Variants in SELE observed in about 807,000 individuals in gnomAD.
SELE encodes the protein selectin E, also known as E-selectin.
Under a neutral mutation model 75.8 loss-of-function variants are expected in SELE, and 52 were observed. The observed-to-expected ratio is 0.69, with a 90% CI of 0.55 to 0.86. SELE has a LOEUF of 0.86. SELE is among the 40% of genes least tolerant of loss of function. The pLI is 0.00. For missense variants in SELE, 754 were observed against 732.7 expected (o/e 1.03, Z -0.34); for synonymous variants, 285 against 258.7 (o/e 1.10, Z -0.98).
chr1:169,728,028 C>G, intron 8 of SELE, 30 bp downstream of exon 8: 1 of 1,584,062 alleles, frequency 6.3e-7, no homozygotes, highest in African/African-American at 1.4e-5. Flanking sequence ...TTCTTTTTAT[C>G]TTAAAATAAA....
At position 169,730,550 on chromosome 1, in the gene SELE, G is replaced by A. The variant is rs1269075678; in HGVS notation, c.597C>T (p.Asn199=). 1 of 1,614,054 alleles carries A rather than the reference G, an allele frequency of 6.2e-7. No homozygotes were observed. Among genetic ancestry groups the A allele is most frequent in the Admixed American group, 1.7e-5 (1 of 60,026 alleles). The change falls in exon 5 of 14, where the codon AAC becomes AAT. Residue 199 remains asparagine (N), a synonymous_variant. Coordinates refer to ENST00000333360, the MANE Select transcript of SELE (RefSeq NM_000450.2). The stretch of plus-strand genomic sequence containing the variant: ...TAGAGCAGGAAGAATTGTAGCTGAA[G>A]TTTCCCAGTGGGTGACTGCAAACCA... ...GSLVCSHPLG[N]FSYNSSCSIS...
chr1:169,731,984 G>T, intron 3 of SELE, 42 bp from the exon 4 acceptor site: 1 of 1,285,560 alleles, frequency 7.8e-7, no homozygotes, highest in Non-Finnish European at 1.1e-6. Context: ...CTATTACTGT[G>T]CTTATACTGA....
At chr1:169,729,696 T>A in intron 5 of SELE, 23 bp from the exon 6 acceptor site, 2 of 1,609,638 alleles carry the variant, frequency 1.2e-6, no homozygotes, top group Non-Finnish European at 1.7e-6. Context: ...AAGAGCACCA[T>A]GAATTTTACA....
chr1:169,728,510 A>G (rs1648833291), intron 7 of SELE, among the ~76,000 whole-genome samples: 1 of 152,248 alleles, frequency 6.6e-6, no homozygotes, highest in African/African-American at 2.4e-5. Flanking sequence ...TGGTCCAAGG[A>G]AAGATTTCAC....
In SELE at chr1:169,731,819, C is replaced by G. The variant is rs1426202378; in HGVS notation, c.529+16G>C. 6.4e-7 allele frequency: 1 copy of G among 1,573,754 alleles called. No individual in the cohort carries two copies. The highest frequency in any genetic ancestry group is 1.4e-5 in the African/African-American group (1 of 74,062). On this transcript the variant is annotated intron_variant, in intron 4 of 13. Transcript: ENST00000333360. ...CTACCATCTCAAGTGAAGAAAGAGG[C>G]AAGAACCAGACTTACTTTGCTCACA... is the stretch of plus-strand genomic sequence containing the variant.
chr1:169,728,636 T>C (rs1470846352), intron 7 of SELE, among the ~76,000 whole-genome samples: 24 of 152,234 alleles, frequency 1.6e-4, no homozygotes. Context: ...GTGTTATGTT[T>C]TGCTACTGGA....
At position 169,729,238 on chromosome 1, in the gene SELE, C is replaced by T. The variant is rs778185111; in HGVS notation, c.1038G>A (p.Gln346=). Residue 346 remains glutamine (Q), a synonymous_variant, in exon 7 of 14, where the codon CAG becomes CAA. Coordinates refer to ENST00000333360, the MANE Select transcript of SELE (RefSeq NM_000450.2). Reference sequence around the variant, plus strand: ...ACTGCCCTTGAGTGGTGCATTCAACCTGGGCTGGTCCCTGCAACATGAAGC... The same window carrying T: ...ACTGCCCTTGAGTGGTGCATTCAACTTGGGCTGGTCCCTGCAACATGAAGC... The part of the protein sequence containing the change: ...EEGFMLQGPA[Q]VECTTQGQWT... 5.0e-6 allele frequency: 8 copies of T among 1,613,856 alleles called. No individual in the cohort carries two copies. The highest frequency in any genetic ancestry group is 5.9e-6 in the Non-Finnish European group (7 of 1,179,946).
In SELE at chr1:169,726,740, A is replaced by T; in HGVS notation, c.1712T>A (p.Leu571Ter). 6.2e-7 allele frequency: 1 copy of T among 1,613,864 alleles called. No individual in the cohort carries two copies. The highest frequency in any genetic ancestry group is 8.5e-7 in the Non-Finnish European group (1 of 1,179,868). ...LSAAGLSLLT[L>*]APFLLWLRKC... ...CCGAAGCCAGAGGAGAAATGGTGCT[A>T]ATGTCAGGAGGGAGAGTCCAGCAGC... Residue 571 changes from leucine to a stop codon, truncating the protein, a stop_gained, in exon 11 of 14, where the codon TTA (leucine) becomes TAA (stop). Transcript: ENST00000333360. LOFTEE classifies it high-confidence loss of function.
In SELE at chr1:169,725,978, A is replaced by G. The variant is rs556746572; in HGVS notation, c.1754-50T>C. On this transcript the variant is annotated intron_variant, in intron 11 of 13. Coordinates refer to ENST00000333360, the MANE Select transcript of SELE (RefSeq NM_000450.2). Reference sequence around the variant, plus strand: ...ATTAATTCAGACTAAATGACTTTTAAGGATATATTAAATCCAGATACAATA... The same window carrying G: ...ATTAATTCAGACTAAATGACTTTTAGGGATATATTAAATCCAGATACAATA... 64 of 1,601,844 alleles carry G rather than the reference A, an allele frequency of 4.0e-5. No individual in the cohort carries two copies. The East Asian group carries it at 1.4e-3, about 35-fold the overall frequency.
rs1648796216 is a variant in SELE, at chr1:169,727,273, A to G, written c.1645+76T>C. ...ACTTTCTGGTTTGGATATAATGAAT[A>G]GTTGATTACTGTAACAAGATAGCTC... On this transcript the variant is annotated intron_variant, in intron 10 of 13. Coordinates refer to ENST00000333360, the MANE Select transcript of SELE (RefSeq NM_000450.2). The G allele has an allele frequency of 4.8e-6, 7 of 1,472,406 alleles. No homozygotes were observed. The South Asian group carries it at 6.6e-5, about 14-fold the overall frequency. The allele number at this position is 1,472,406 out of a possible 1,614,324, so 91.2% of individuals were successfully genotyped here.
In SELE at chr1:169,731,474, C is replaced by G. The variant is rs1648910193; in HGVS notation, c.529+361G>C. On this transcript the variant is annotated intron_variant, in intron 4 of 13. Coordinates refer to ENST00000333360, the MANE Select transcript of SELE (RefSeq NM_000450.2). ...TTCTACTGCAACGTCTTGTTACCAC[C>G]TAGATGAGGTGAGTACATGTTCCTC... The G allele has an allele frequency of 2.2e-5, 4 of 183,566 alleles. No homozygotes were observed. In the South Asian group the frequency reaches 4.6e-4, roughly 21 times the overall value. 11.4% of individuals were successfully genotyped at this position (183,566 alleles called of 1,614,324 possible).
chr1:169,733,276 T>C (rs76471717), intron 2 of SELE, among the ~76,000 whole-genome samples: 11,857 of 152,296 alleles, frequency 0.078, 561 homozygotes, highest in Middle Eastern at 0.11. Flanking sequence ...TAAGCTTTAT[T>C]GAGCACTTAG....
rs776264966 is a variant in SELE, at chr1:169,725,945, A to T, written c.1754-17T>A. 6.2e-7 allele frequency: 1 copy of T among 1,613,844 alleles called. No individual in the cohort carries two copies. Among genetic ancestry groups the T allele is most frequent in the Non-Finnish European group, 8.5e-7 (1 of 1,179,802 alleles). On this transcript the variant is annotated splice_polypyrimidine_tract_variant and intron_variant, in intron 11 of 13. Coordinates refer to ENST00000333360, the MANE Select transcript of SELE (RefSeq NM_000450.2). ...ATTTCTTTGCTGCAAAAGAAAAGAC[A>T]AACAACCATTAATTCAGACTAAATG... is the stretch of plus-strand genomic sequence containing the variant.
chr1:169,724,780 T>C (rs771630823), intron 13 of SELE, among the ~76,000 whole-genome samples: 11 of 152,188 alleles, frequency 7.2e-5, no homozygotes, highest in Non-Finnish European at 1.6e-4. Flanking sequence ...GTTGTAACAC[T>C]AATATAAGAT....
At chr1:169,732,556 A>T in intron 3 of SELE, 59 bp downstream of exon 3, 2 of 1,510,190 alleles carry the variant, frequency 1.3e-6, no homozygotes, top group Non-Finnish European at 1.8e-6. Context: ...GCATGCTGTA[A>T]ATTTGCCAAG....
rs572212237 is a variant in SELE at position 169,727,268 on chromosome 1, T to C, written c.1645+81A>G. 2.7e-5 allele frequency: 39 copies of C among 1,457,514 alleles called. No homozygotes were observed. In the South Asian group the frequency reaches 3.7e-4, roughly 14 times the overall value. The allele number at this position is 1,457,514 out of a possible 1,614,324, so 90.3% of individuals were successfully genotyped here. On this transcript the variant is annotated intron_variant, in intron 10 of 13. Transcript: ENST00000333360. The stretch of plus-strand genomic sequence containing the variant: ...GGCGAACTTTCTGGTTTGGATATAA[T>C]GAATAGTTGATTACTGTAACAAGAT...
intron 11 of SELE, among the ~76,000 whole-genome samples, 176 bp downstream of exon 11, chr1:169,726,523 C>T (rs556809442): frequency 6.6e-6 from 1 of 152,294 alleles, no homozygotes; most frequent in Non-Finnish European, 1.5e-5. Flanking sequence ...TTTCCTGAAA[C>T]ACTTCCCACA....
Position 169,726,748 on chromosome 1 carries a change from G to A in SELE, c.1704C>T (p.Leu568=). The A allele has an allele frequency of 3.1e-6, 5 of 1,613,926 alleles. No individual in the cohort carries two copies. Among genetic ancestry groups the A allele is most frequent in the Non-Finnish European group, 4.2e-6 (5 of 1,179,940 alleles). Residue 568 remains leucine, a synonymous_variant, in exon 11 of 14, where the codon CTC becomes CTT. Transcript: ENST00000333360. The part of the protein sequence containing the change: ...VAGLSAAGLS[L]LTLAPFLLWL... ...AGAGGAGAAATGGTGCTAATGTCAG[G>A]AGGGAGAGTCCAGCAGCAGAAAGTC...
At position 169,722,838 on chromosome 1, in the gene SELE, C is replaced by T. The variant is rs369857450; in HGVS notation, c.*1687G>A. 6.6e-6 allele frequency: 1 copy of T among 152,178 alleles called. No homozygotes were observed. The highest frequency in any genetic ancestry group is 2.4e-5 in the African/African-American group (1 of 41,446). 9.4% of individuals were successfully genotyped at this position (152,178 alleles called of 1,614,324 possible). A position where few individuals can be genotyped will look rare whatever the true frequency, so the allele number is the denominator to read the frequency against. Reference sequence around the variant, plus strand: ...GCAGTTTACATAAATATTTACAACACTTAAACAATTTCAAAGAAAATAACA... The same window carrying T: ...GCAGTTTACATAAATATTTACAACATTTAAACAATTTCAAAGAAAATAACA... On this transcript the variant is annotated 3_prime_UTR_variant, in exon 14 of 14. Coordinates refer to ENST00000333360, the MANE Select transcript of SELE (RefSeq NM_000450.2).
Sources: allele counts gnomAD v4.1 joint callset (sites outside exome capture counted in the v4.1 genomes callset), GRCh38; gene constraint gnomAD v4.1.1; transcripts MANE v1.5; gene names NCBI Gene and HGNC (gene_info 2026-07-23, HGNC 2026-07-21).